Variants in CAST observed in about 807,000 individuals in gnomAD.
CAST encodes MIR583 host.
A neutral mutation model predicts 119.6 loss-of-function variants in CAST; 76 were observed. The observed-to-expected ratio is 0.64, with a 90% CI of 0.53 to 0.77. CAST has a LOEUF of 0.77. Among genes scored for constraint, CAST ranks in the 30% least tolerant of loss-of-function variants. CAST has a pLI of 0.00. For synonymous variants in CAST, 319 were observed against 331.6 expected, an observed-to-expected ratio of 0.96 and a Z score of 0.41; for missense variants, 953 against 946.5, an observed-to-expected ratio of 1.01 and a Z score of -0.09.
chr5:96,260,311 C>T, the CAST span, among the ~76,000 whole-genome samples: 3 of 152,208 alleles, frequency 2.0e-5, no homozygotes, highest in Non-Finnish European at 2.9e-5. Flanking sequence ...CAGAATTTCT[C>T]TAGCAGCTGT....
intron 1 of CAST, among the ~76,000 whole-genome samples, chr5:96,654,027 CTTTTTTT>C (rs71617134): frequency 0.065 from 8,207 of 126,982 alleles, 554 homozygotes; most frequent in East Asian, 0.23. Flanking sequence ...CTTTTCTTTT[CTTTTTTT>C]TTTTTTTTGA....
chr5:96,377,532 T>C, the CAST span, among the ~76,000 whole-genome samples: 2 of 152,182 alleles, frequency 1.3e-5, no homozygotes, highest in Non-Finnish European at 2.9e-5. Context: ...GTGTTCAGTA[T>C]AGTAACATAT....
chr5:96,026,254 G>A, the CAST span, among the ~76,000 whole-genome samples: 7 of 152,172 alleles, frequency 4.6e-5, no homozygotes, highest in Middle Eastern at 3.4e-3. Context: ...GGCTGAAAGT[G>A]TAGATTAATC....
At chr5:96,412,600 A>G in the CAST span, 1 of 1,006,180 alleles carries the variant, frequency 9.9e-7, no homozygotes, top group Non-Finnish European at 1.5e-6. Context: ...AGAGTCAAAA[A>G]CCAGGTAACT....
chr5:96,766,942 T>G (rs1392204988), intron 27 of CAST, among the ~76,000 whole-genome samples: 1 of 152,178 alleles, frequency 6.6e-6, no homozygotes, highest in Non-Finnish European at 1.5e-5. Context: ...GCATTCAGTA[T>G]TCCTCAAGAT....
intron 19 of CAST, among the ~76,000 whole-genome samples, chr5:96,749,123 T>C (rs1764419938): frequency 6.6e-6 from 1 of 152,270 alleles, no homozygotes; most frequent in African/African-American, 2.4e-5. Flanking sequence ...TGTGCATCCC[T>C]GGCTTTTCTC....
chr5:96,717,425 T>A (rs1459484967), intron 3 of CAST, among the ~76,000 whole-genome samples: 1 of 151,778 alleles, frequency 6.6e-6, no homozygotes, highest in East Asian at 1.9e-4. Context: ...TGGAAGGGAG[T>A]GTGATGGTGA....
At chr5:96,434,637 T>G in the CAST span, among the ~76,000 whole-genome samples, 2 of 151,716 alleles carry the variant, frequency 1.3e-5, no homozygotes, top group Admixed American at 6.6e-5. Flanking sequence ...TGTTGTTGTT[T>G]TTTAAAGCTC....
At chr5:96,559,125 G>A (rs1746304073) in intron 1 of CAST, among the ~76,000 whole-genome samples, 1 of 152,022 alleles carries the variant, frequency 6.6e-6, no homozygotes, top group Non-Finnish European at 1.5e-5. Flanking sequence ...TATCTCAATA[G>A]ATGCAGAAAA....
chr5:96,227,570 G>A, the CAST span, among the ~76,000 whole-genome samples: 1 of 152,238 alleles, frequency 6.6e-6, no homozygotes, highest in African/African-American at 2.4e-5. Flanking sequence ...TCAGAATCCT[G>A]GATGGAGGAA....
chr5:96,162,857 A>G, the CAST span, among the ~76,000 whole-genome samples: 1 of 152,162 alleles, frequency 6.6e-6, no homozygotes, highest in Non-Finnish European at 1.5e-5. Context: ...ATATTGGTTT[A>G]TAGTTTTCAT....
chr5:96,722,154 C>T (rs1414969106), intron 3 of CAST, among the ~76,000 whole-genome samples: 3 of 152,192 alleles, frequency 2.0e-5, no homozygotes, highest in Non-Finnish European at 1.5e-5. Context: ...TGTTACTGTA[C>T]TTTGTATGTA....
At chr5:96,331,176 T>G in the CAST span, among the ~76,000 whole-genome samples, 1 of 152,218 alleles carries the variant, frequency 6.6e-6, no homozygotes, top group African/African-American at 2.4e-5. Context: ...AGGAGTCCTA[T>G]CACCTTATTT....
chr5:96,110,471 G>T, the CAST span, among the ~76,000 whole-genome samples: 2 of 152,074 alleles, frequency 1.3e-5, no homozygotes, highest in East Asian at 3.9e-4. Context: ...TCAGAAAAAG[G>T]CTCAGAGTGA....
chr5:96,254,057 G>T, the CAST span, among the ~76,000 whole-genome samples: 15 of 152,038 alleles, frequency 9.9e-5, no homozygotes, highest in Admixed American at 2.6e-4. Context: ...GTAAACTGTT[G>T]CTGTGAACTC....
chr5:96,622,200 C>T (rs1211581190), intron 1 of CAST, among the ~76,000 whole-genome samples: 2 of 151,958 alleles, frequency 1.3e-5, no homozygotes, highest in African/African-American at 2.4e-5. Flanking sequence ...TATCTCCTGA[C>T]CTCATGATCC....
At chr5:96,005,031 TGA>T in the CAST span, among the ~76,000 whole-genome samples, 1 of 152,234 alleles carries the variant, frequency 6.6e-6, no homozygotes, top group Non-Finnish European at 1.5e-5. Context: ...TCTAGAATTC[TGA>T]GAGAAAATAT....
the CAST span, among the ~76,000 whole-genome samples, chr5:95,996,855 T>A: frequency 3.9e-5 from 6 of 152,216 alleles, no homozygotes; most frequent in East Asian, 1.2e-3. Flanking sequence ...ATACCTGAAC[T>A]CCGTACACAT....
chr5:96,063,499 G>T, the CAST span, among the ~76,000 whole-genome samples: 1 of 152,074 alleles, frequency 6.6e-6, no homozygotes, highest in South Asian at 2.1e-4. Flanking sequence ...TGATCCCAAG[G>T]ATACTTTCCA....
Sources: allele counts gnomAD v4.1 joint callset (sites outside exome capture counted in the v4.1 genomes callset), GRCh38; gene constraint gnomAD v4.1.1; transcripts MANE v1.5; gene names NCBI Gene and HGNC (gene_info 2026-07-23, HGNC 2026-07-21).